DOCK8: variants seen among roughly 807,000 people sequenced by gnomAD.
The protein encoded by DOCK8 is dedicator of cytokinesis 8, also known as dedicator of cytokinesis protein 8.
DOCK8 carries 141 observed loss-of-function variants against 245.6 expected under a neutral mutation model. The observed-to-expected ratio is 0.57, with a 90% CI of 0.50 to 0.66. DOCK8 has a LOEUF of 0.66. Ranked by LOEUF, DOCK8 falls within the 30% of genes least tolerant of loss-of-function variation. DOCK8 has a pLI of 0.00. For synonymous variants in DOCK8, 1,168 were observed against 970.2 expected (o/e 1.20, Z -3.79); for missense variants, 2,965 against 2,603.4 (o/e 1.14, Z -3.02).
intron 1 of DOCK8, among the ~76,000 whole-genome samples, chr9:261,289 C>G (rs533485825): frequency 1.3e-5 from 2 of 152,214 alleles, no homozygotes; most frequent in South Asian, 4.1e-4. Context: ...TAGTTTTCTT[C>G]TCTGGCTATT....
intron 3 of DOCK8, among the ~76,000 whole-genome samples, chr9:288,128 T>G (rs188793419): frequency 6.0e-4 from 92 of 152,318 alleles, no homozygotes; most frequent in Non-Finnish European, 1.1e-3. Context: ...AGTATACTGT[T>G]GCCTTGTCAA....
At chr9:322,551 A>T (rs758427144) in intron 7 of DOCK8, among the ~76,000 whole-genome samples, 1 of 152,092 alleles carries the variant, frequency 6.6e-6, no homozygotes, top group Non-Finnish European at 1.5e-5. Context: ...TGTTAAATGC[A>T]GATAATATCT....
chr9:423,837 A>G (rs1379049908), intron 33 of DOCK8, among the ~76,000 whole-genome samples: 1 of 152,074 alleles, frequency 6.6e-6, no homozygotes, highest in Non-Finnish European at 1.5e-5. Flanking sequence ...CATCTACTCT[A>G]CTAGATTAAA....
At chr9:420,221 C>T in intron 30 of DOCK8, 180 bp from the exon 31 acceptor site, 1 of 705,252 alleles carries the variant, frequency 1.4e-6, no homozygotes. Context: ...AAGAACACAG[C>T]TTCCCCTGCC....
chr9:218,839 A>G (rs1407529722), intron 1 of DOCK8, among the ~76,000 whole-genome samples: 2 of 152,204 alleles, frequency 1.3e-5, no homozygotes, highest in African/African-American at 4.8e-5. Flanking sequence ...CACTTCTAGA[A>G]TGCTTTCTAT....
intron 24 of DOCK8, among the ~76,000 whole-genome samples, chr9:395,898 A>T (rs1401006716): frequency 6.6e-6 from 1 of 152,214 alleles, no homozygotes; most frequent in Admixed American, 6.6e-5. Context: ...ATGTATATCC[A>T]TATAGATATA....
chr9:283,448 A>G (rs562816209), intron 2 of DOCK8, among the ~76,000 whole-genome samples: 4 of 152,284 alleles, frequency 2.6e-5, no homozygotes, highest in South Asian at 4.1e-4. Context: ...GTTTTGCTAC[A>G]TGAATATACT....
intron 29 of DOCK8, among the ~76,000 whole-genome samples, chr9:415,683 T>C (rs753767450): frequency 1.1e-4 from 12 of 108,132 alleles, no homozygotes; most frequent in Non-Finnish European, 1.8e-4. Context: ...TGCACGTGTG[T>C]GCGCGCGTGC....
intron 1 of DOCK8, among the ~76,000 whole-genome samples, chr9:234,781 T>A (rs1348221447): frequency 6.6e-6 from 1 of 151,904 alleles, no homozygotes; most frequent in Admixed American, 6.6e-5. Flanking sequence ...CATTGGTTAT[T>A]CTAGTTATCC....
intron 2 of DOCK8, among the ~76,000 whole-genome samples, chr9:285,145 G>T (rs2048762461): frequency 6.6e-6 from 1 of 152,044 alleles, no homozygotes; most frequent in Admixed American, 6.6e-5. Flanking sequence ...CTAATTTGCA[G>T]CTTCATCCTC....
intron 1 of DOCK8, among the ~76,000 whole-genome samples, chr9:236,403 G>A (rs757996257): frequency 2.0e-4 from 30 of 152,284 alleles, no homozygotes; most frequent in Non-Finnish European, 3.4e-4. Context: ...GTTTTCATTA[G>A]CCCAGCACAT....
intron 4 of DOCK8, among the ~76,000 whole-genome samples, chr9:300,878 A>G (rs1422231378): frequency 1.3e-5 from 2 of 152,160 alleles, no homozygotes; most frequent in Non-Finnish European, 2.9e-5. Flanking sequence ...AAAAGCCCTT[A>G]ATCAGATGGA....
At chr9:337,779 T>A (rs1400656001) in intron 12 of DOCK8, among the ~76,000 whole-genome samples, 1 of 152,218 alleles carries the variant, frequency 6.6e-6, no homozygotes, top group African/African-American at 2.4e-5. Context: ...GTTTCAGATT[T>A]TTTTTGCAAG....
intron 14 of DOCK8, among the ~76,000 whole-genome samples, chr9:345,384 A>G (rs1031135852): frequency 6.6e-6 from 1 of 152,226 alleles, no homozygotes; most frequent in Admixed American, 6.5e-5. Context: ...AAATGCTTAC[A>G]CTGAGAAAGC....
upstream of DOCK8, among the ~76,000 whole-genome samples, chr9:211,919 G>T (rs1056500484): frequency 3.9e-5 from 6 of 152,182 alleles, no homozygotes; most frequent in African/African-American, 1.4e-4. Flanking sequence ...TGATTATGGA[G>T]AGATAGCTAG....
chr9:464,075 C>G (rs1404017305), intron 47 of DOCK8, 84 bp from the exon 48 acceptor site: 2 of 1,200,626 alleles, frequency 1.7e-6, no homozygotes, highest in African/African-American at 3.0e-5. Flanking sequence ...GATCCACCCC[C>G]AACCCTTTCT....
intron 26 of DOCK8, among the ~76,000 whole-genome samples, chr9:403,809 G>A (rs1430110013): frequency 6.7e-6 from 1 of 150,196 alleles, no homozygotes; most frequent in Non-Finnish European, 1.5e-5. Flanking sequence ...AGGTTGCAGT[G>A]AGCCGAGATC....
rs77592936 is a variant in DOCK8 at position 362,625 on chromosome 9, G to A, written c.1680-5393G>A. ...AGCCCTCTTTCCTTCTCTCCTGCTG[G>A]CTGACCTAGAAGCTCAGCTAAAGAG... is the stretch of plus-strand genomic sequence containing the variant. On this transcript the variant is annotated intron_variant, in intron 14 of 47. Transcript: ENST00000432829. Among the ~76,000 whole-genome samples, 1,472 of 152,246 alleles carry A rather than the reference G, an allele frequency of 9.7e-3. 25 individuals carry two copies. Among genetic ancestry groups the A allele is most frequent in the African/African-American group, 0.033 (1,377 of 41,534 alleles).
intron 18 of DOCK8, among the ~76,000 whole-genome samples, chr9:372,664 G>A (rs971209301): frequency 6.6e-6 from 1 of 152,174 alleles, no homozygotes; most frequent in Admixed American, 6.5e-5. Context: ...TGGGTCAGTT[G>A]TCACAGCCCT....
Sources: allele counts gnomAD v4.1 joint callset (sites outside exome capture counted in the v4.1 genomes callset), GRCh38; gene constraint gnomAD v4.1.1; transcripts MANE v1.5; gene names NCBI Gene and HGNC (gene_info 2026-07-23, HGNC 2026-07-21).